The following ZNF75D variants were observed in gnomAD, a reference collection of about 807,000 sequenced individuals.
The protein encoded by ZNF75D is zinc finger protein 75.
Under a neutral mutation model 33.3 loss-of-function variants are expected in ZNF75D, and 33 were observed. That is an observed-to-expected ratio of 0.99 (90% confidence interval 0.75 to 1.32). ZNF75D has a LOEUF of 1.32. ZNF75D is among the 40% of genes most tolerant of loss of function. The probability of loss-of-function intolerance (pLI) is 0.00; values close to 1 mark genes in which losing one functional copy is unlikely to be tolerated. For synonymous variants in ZNF75D, 113 were observed against 130.6 expected, an observed-to-expected ratio of 0.87 and a Z score of 0.92; for missense variants, 338 against 367.5, an observed-to-expected ratio of 0.92 and a Z score of 0.66.
intron 1 of ZNF75D, among the ~76,000 whole-genome samples, chrX:135,312,745 G>C (rs1170273327): frequency 7.4e-5 from 8 of 108,744 alleles, no homozygotes; most frequent in Admixed American, 2.0e-4. Flanking sequence ...GCATTTCCCT[G>C]ATATTTAGTG....
At position 135,336,632 on chromosome X, in the gene ZNF75D, G is replaced by A. The variant is rs1216255853; in HGVS notation, c.-391+5136C>T. Among the ~76,000 whole-genome samples, 3 of 112,084 alleles carry A rather than the reference G, an allele frequency of 2.7e-5. No homozygotes were observed. The Admixed American group carries it at 2.8e-4, about 10-fold the overall frequency. ...CCTCTTACCTATATCTGCATTCCTA[G>A]CCCTAGCCCTACTCCTAGCCCACTT... On this transcript the variant is annotated intron_variant, in intron 1 of 6. Coordinates refer to ENST00000370766, the MANE Select transcript of ZNF75D (RefSeq NM_007131.5).
At chrX:135,263,193 C>T (rs2083849563) in intron 1 of ZNF75D, among the ~76,000 whole-genome samples, 1 of 112,411 alleles carries the variant, frequency 8.9e-6, no homozygotes, top group South Asian at 3.7e-4. Flanking sequence ...GAAGCTTCAT[C>T]CCAGAGGGGT....
chrX:135,267,540 A>G (rs1486705053), intron 1 of ZNF75D, among the ~76,000 whole-genome samples: 11 of 111,579 alleles, frequency 9.9e-5, no homozygotes, highest in African/African-American at 3.6e-4. Flanking sequence ...TGCTAGACAT[A>G]TCCAACCTAC....
At position 135,264,461 on chromosome X, in the gene ZNF75D, A is replaced by T. The variant is rs146572299; in HGVS notation, n.828-8684T>A. On this transcript the variant is annotated intron_variant and non_coding_transcript_variant, in intron 1 of 3. Coordinates refer to the ZNF75D transcript ENST00000494295. The stretch of plus-strand genomic sequence containing the variant: ...TCTGCATAGACTACAATGAATACCT[A>T]ACTTTGCAATGCCTAGACACAGATG... 7.2e-3 allele frequency among the ~76,000 whole-genome samples: 808 copies of T among 111,638 alleles called. 14 individuals carry two copies. The highest frequency in any genetic ancestry group is 0.025 in the African/African-American group (779 of 30,672).
downstream of ZNF75D, among the ~76,000 whole-genome samples, chrX:135,283,310 A>G (rs1035530693): frequency 8.9e-6 from 1 of 112,014 alleles, no homozygotes; most frequent in Non-Finnish European, 1.9e-5. Flanking sequence ...AGGAAGGATC[A>G]GGGAGCATGG....
chrX:135,280,670 T>A (rs1481917844), intron 1 of ZNF75D, among the ~76,000 whole-genome samples: 2 of 111,916 alleles, frequency 1.8e-5, no homozygotes, highest in Non-Finnish European at 3.8e-5. Context: ...GGAACTCTTG[T>A]GAGGTAGGCC....
At chrX:135,305,823 G>A (rs1569491977) in intron 1 of ZNF75D, among the ~76,000 whole-genome samples, 1 of 111,636 alleles carries the variant, frequency 9.0e-6, no homozygotes, top group African/African-American at 3.3e-5. Context: ...TTCATCTGTT[G>A]TGGTCTCGGG....
At chrX:135,270,380 TATATATATATATAC>T (rs1239913658) in intron 1 of ZNF75D, among the ~76,000 whole-genome samples, 1 of 68,790 alleles carries the variant, frequency 1.5e-5, no homozygotes, top group South Asian at 8.5e-4. Flanking sequence ...TATATATATA[TATATATATATATAC>T]ACATATTTAT....
intron 1 of ZNF75D, among the ~76,000 whole-genome samples, chrX:135,339,345 G>T (rs782216859): frequency 1.8e-5 from 2 of 112,040 alleles, no homozygotes; most frequent in East Asian, 5.6e-4. Flanking sequence ...TGCCTCTGTG[G>T]ATTCTCTTTC....
intron 1 of ZNF75D, among the ~76,000 whole-genome samples, chrX:135,328,173 T>TC (rs1255421057): frequency 9.0e-6 from 1 of 111,279 alleles, no homozygotes; most frequent in Non-Finnish European, 1.9e-5. Flanking sequence ...GTGGCTTTTG[T>TC]CCACACTGGC....
intron 1 of ZNF75D, among the ~76,000 whole-genome samples, chrX:135,336,389 A>C (rs1438683577): frequency 8.8e-6 from 1 of 113,087 alleles, no homozygotes; most frequent in Non-Finnish European, 1.9e-5. Flanking sequence ...GTGGTACATA[A>C]TATGCACGAA....
intron 1 of ZNF75D, among the ~76,000 whole-genome samples, chrX:135,268,266 C>G (rs782709333): frequency 1.9e-5 from 2 of 103,597 alleles, no homozygotes; most frequent in East Asian, 6.0e-4. Flanking sequence ...CTAGGGCAGT[C>G]AGACAAGAGA....
intron 1 of ZNF75D, among the ~76,000 whole-genome samples, chrX:135,322,830 C>T (rs2084513679): frequency 8.9e-6 from 1 of 112,073 alleles, no homozygotes; most frequent in East Asian, 2.8e-4. Context: ...TGTAACAGTT[C>T]TGTTGTTTAA....
At chrX:135,284,034 T>C (rs782778672), downstream of ZNF75D, among the ~76,000 whole-genome samples, 11 of 111,905 alleles carry the variant, frequency 9.8e-5, no homozygotes, top group East Asian at 3.1e-3. Flanking sequence ...TCTGCTCAGC[T>C]CATCTTCTCT....
intron 1 of ZNF75D, among the ~76,000 whole-genome samples, chrX:135,268,118 T>A (rs782043069): frequency 6.5e-4 from 65 of 100,650 alleles, no homozygotes; most frequent in African/African-American, 2.3e-3. Flanking sequence ...TACTTCAGCA[T>A]AATAAAAGCC....
At position 135,317,691 on chromosome X, in the gene ZNF75D, C is replaced by T. The variant is rs782469525; in HGVS notation, c.-390-21652G>A. Among the ~76,000 whole-genome samples the T allele has an allele frequency of 2.7e-5, 3 of 110,423 alleles. No homozygotes were observed. The South Asian group carries it at 1.2e-3, about 43-fold the overall frequency. On this transcript the variant is annotated intron_variant, in intron 1 of 6. Transcript: ENST00000370766. Reference sequence around the variant, plus strand: ...TGGGTGGGTAAGAACAACCTCAGGCCCCTGGGAGGAGTATTCAGGTGCCAA... The same window carrying T: ...TGGGTGGGTAAGAACAACCTCAGGCTCCTGGGAGGAGTATTCAGGTGCCAA...
At chrX:135,266,961 A>G (rs1247811541) in intron 1 of ZNF75D, among the ~76,000 whole-genome samples, 2 of 111,987 alleles carry the variant, frequency 1.8e-5, no homozygotes, top group African/African-American at 6.5e-5. Flanking sequence ...CAAGAAGATG[A>G]ATTTTTGAAA....
At chrX:135,309,048 G>A (rs1158258893) in intron 1 of ZNF75D, among the ~76,000 whole-genome samples, 2 of 112,273 alleles carry the variant, frequency 1.8e-5, no homozygotes, top group Admixed American at 1.9e-4. Context: ...TGCACAAAAT[G>A]CAGTAGAAGA....
intron 2 of ZNF75D, among the ~76,000 whole-genome samples, chrX:135,252,364 A>G (rs1556413681): frequency 1.3e-5 from 1 of 75,461 alleles, no homozygotes; most frequent in African/African-American, 5.3e-5. Flanking sequence ...CACAGTGAGC[A>G]TCCACCCCTA....
Sources: allele counts gnomAD v4.1 joint callset (sites outside exome capture counted in the v4.1 genomes callset), GRCh38; gene constraint gnomAD v4.1.1; transcripts MANE v1.5; gene names NCBI Gene and HGNC (gene_info 2026-07-23, HGNC 2026-07-21).